The following HYAL4 variants were observed in gnomAD, a reference collection of about 807,000 sequenced individuals.
HYAL4 encodes the protein hyaluronidase 4, also known as hyaluronidase-4.
HYAL4 carries 37 observed loss-of-function variants against 35.2 expected under a neutral mutation model. The ratio of observed to expected loss-of-function variants is 1.05; its 90% confidence interval spans 0.81 to 1.38. HYAL4 has a LOEUF of 1.38. HYAL4 is among the 40% of genes most tolerant of loss of function. The probability of loss-of-function intolerance (pLI) is 0.00; values close to 1 mark genes in which losing one functional copy is unlikely to be tolerated. For missense variants in HYAL4, 572 were observed against 572.4 expected, an observed-to-expected ratio of 1.00 and a Z score of 0.01; for synonymous variants, 198 against 203.2, an observed-to-expected ratio of 0.97 and a Z score of 0.22.
At chr7:123,844,286 T>A (rs916426713), upstream of HYAL4, 3 of 152,244 alleles carry the variant, frequency 2.0e-5, no homozygotes, top group African/African-American at 4.8e-5. Context: ...TTGCTGGAGG[T>A]CCATTCCAGA....
At chr7:123,867,068 A>G (rs1246227819) in intron 2 of HYAL4, among the ~76,000 whole-genome samples, 1 of 152,142 alleles carries the variant, frequency 6.6e-6, no homozygotes, top group African/African-American at 2.4e-5. Flanking sequence ...TATAGGCGTG[A>G]GCCACCCTGC....
chr7:123,865,369 A>C (rs915175330), intron 2 of HYAL4, among the ~76,000 whole-genome samples: 3 of 152,188 alleles, frequency 2.0e-5, no homozygotes, highest in African/African-American at 7.2e-5. Flanking sequence ...AAAATATAAT[A>C]AAAAATCAAA....
the HYAL4 span, among the ~76,000 whole-genome samples, chr7:123,785,098 C>T: frequency 6.6e-6 from 1 of 152,162 alleles, no homozygotes; most frequent in African/African-American, 2.4e-5. The surrounding 1 kb of genome is among the most constrained non-coding windows in gnomAD (Gnocchi z 4.5). Context: ...CAGGGTCTCT[C>T]TCTGTCACCG....
chr7:123,825,112 TTC>T (rs1195916528), upstream of HYAL4, among the ~76,000 whole-genome samples: 5 of 151,388 alleles, frequency 3.3e-5, no homozygotes, highest in Admixed American at 6.6e-5. Context: ...AAATCTCTCT[TTC>T]TCTCTCTCTC....
chr7:123,779,298 C>A, the HYAL4 span, among the ~76,000 whole-genome samples: 1 of 151,842 alleles, frequency 6.6e-6, no homozygotes, highest in South Asian at 2.1e-4. Flanking sequence ...GAACTATTGT[C>A]CAAGACCAAA....
chr7:123,859,130 A>C (rs772024330), intron 2 of HYAL4, among the ~76,000 whole-genome samples: 2 of 152,200 alleles, frequency 1.3e-5, no homozygotes, highest in Non-Finnish European at 2.9e-5. Flanking sequence ...TCTGATGCTG[A>C]AGAAGTTAAC....
chr7:123,789,466 A>G, the HYAL4 span, among the ~76,000 whole-genome samples: 5 of 152,304 alleles, frequency 3.3e-5, no homozygotes, highest in South Asian at 4.1e-4. Context: ...AGGCAAATCA[A>G]CTGCTTCAAA....
the HYAL4 span, among the ~76,000 whole-genome samples, chr7:123,783,046 C>A: frequency 1.3e-5 from 2 of 151,882 alleles, no homozygotes; most frequent in East Asian, 3.9e-4. Context: ...AATATAAAGT[C>A]AAAAGCGTTT....
the HYAL4 span, among the ~76,000 whole-genome samples, chr7:123,823,476 T>G: frequency 2.0e-5 from 3 of 152,046 alleles, no homozygotes; most frequent in Non-Finnish European, 4.4e-5. Context: ...AAAGTGAGTT[T>G]GAAAGTGTTT....
At chr7:123,817,149 T>C in the HYAL4 span, among the ~76,000 whole-genome samples, 1 of 152,158 alleles carries the variant, frequency 6.6e-6, no homozygotes, top group Non-Finnish European at 1.5e-5. Flanking sequence ...AGAATGCAGA[T>C]TGCACCATTG....
chr7:123,790,316 A>G, the HYAL4 span, among the ~76,000 whole-genome samples: 1 of 152,196 alleles, frequency 6.6e-6, no homozygotes, highest in South Asian at 2.1e-4. Context: ...AGAAGGTAGC[A>G]TATTATTATA....
At chr7:123,764,318 T>C in the HYAL4 span, among the ~76,000 whole-genome samples, 1 of 152,206 alleles carries the variant, frequency 6.6e-6, no homozygotes, top group Non-Finnish European at 1.5e-5. Context: ...AGAAGCCTTC[T>C]CTGAATTTCC....
chr7:123,865,510 C>A (rs1806667350), intron 2 of HYAL4, among the ~76,000 whole-genome samples: 1 of 152,070 alleles, frequency 6.6e-6, no homozygotes. Flanking sequence ...GTGGGGTAAT[C>A]TTATTCAGCT....
chr7:123,822,125 C>G, the HYAL4 span, among the ~76,000 whole-genome samples: 2 of 151,854 alleles, frequency 1.3e-5, no homozygotes, highest in Non-Finnish European at 2.9e-5. Context: ...TTTGGCTGTT[C>G]TGGGCCTTTT....
intron 2 of HYAL4, among the ~76,000 whole-genome samples, chr7:123,849,927 T>C (rs1584915677): frequency 1.3e-5 from 2 of 152,334 alleles, no homozygotes; most frequent in African/African-American, 4.8e-5. Context: ...TATATTTCTA[T>C]GTAGAAACAT....
upstream of HYAL4, among the ~76,000 whole-genome samples, chr7:123,842,250 A>G (rs1433811110): frequency 2.0e-5 from 3 of 151,884 alleles, no homozygotes; most frequent in African/African-American, 7.2e-5. Flanking sequence ...TCATTTTGTT[A>G]TTCACCCAGT....
At chr7:123,852,503 TC>T (rs1806330828) in intron 2 of HYAL4, among the ~76,000 whole-genome samples, 1 of 152,172 alleles carries the variant, frequency 6.6e-6, no homozygotes, top group South Asian at 2.1e-4. Flanking sequence ...GGAATCCTTT[TC>T]CCCTTGCTTG....
At chr7:123,864,848 G>C (rs1440787169) in intron 2 of HYAL4, among the ~76,000 whole-genome samples, 2 of 151,582 alleles carry the variant, frequency 1.3e-5, no homozygotes, top group Admixed American at 1.3e-4. Flanking sequence ...CCAGTGCCCT[G>C]ACCTGGCTGT....
At chr7:123,869,411 TACTC>T (rs935814516) in intron 3 of HYAL4, among the ~76,000 whole-genome samples, 184 bp downstream of exon 3, 23 of 152,326 alleles carry the variant, frequency 1.5e-4, no homozygotes, top group African/African-American at 3.8e-4. Flanking sequence ...TTGATTATCT[TACTC>T]ATTATTATTC....
Sources: gnomAD v4.1 joint callset for allele counts (sites outside exome capture counted in the v4.1 genomes callset) on GRCh38, gnomAD v4.1.1 for gene constraint, Gnocchi (gnomAD v3.1) non-coding constraint, MANE v1.5 for transcripts, NCBI Gene and HGNC (gene_info 2026-07-23, HGNC 2026-07-21) for gene names.